The following GPHN variants were observed in gnomAD, a reference collection of about 807,000 sequenced individuals.
GPHN encodes the protein gephyrin.
GPHN carries 17 observed loss-of-function variants against 95.5 expected under a neutral mutation model. That is an observed-to-expected ratio of 0.18 (90% confidence interval 0.12 to 0.27). The LOEUF is 0.27. Ranked by LOEUF, GPHN falls within the 10% of genes least tolerant of loss-of-function variation. The pLI, the probability that GPHN is intolerant of heterozygous loss-of-function variation, is 1.00. For missense variants in GPHN, 660 were observed against 978.1 expected, an observed-to-expected ratio of 0.67 and a Z score of 4.34; for synonymous variants, 320 against 322.5, an observed-to-expected ratio of 0.99 and a Z score of 0.08.
chr14:66,995,216 C>T (rs1377864110), intron 9 of GPHN, among the ~76,000 whole-genome samples: 1 of 152,044 alleles, frequency 6.6e-6, no homozygotes, highest in Non-Finnish European at 1.5e-5. Context: ...AGTGTGACAA[C>T]GTAGAAAATA....
chr14:67,165,807 G>A (rs952429968), intron 20 of GPHN, among the ~76,000 whole-genome samples: 1 of 152,176 alleles, frequency 6.6e-6, no homozygotes, highest in Non-Finnish European at 1.5e-5. Flanking sequence ...TTGTCCCAAC[G>A]TGAGCAGAAA....
At chr14:66,894,711 A>G (rs569846406) in intron 5 of GPHN, among the ~76,000 whole-genome samples, 2 of 152,328 alleles carry the variant, frequency 1.3e-5, no homozygotes, top group African/African-American at 4.8e-5. Context: ...ATGAACAGAC[A>G]CTTCTCAAAA....
chr14:67,635,866 TA>T, the GPHN span, among the ~76,000 whole-genome samples: 4 of 152,150 alleles, frequency 2.6e-5, no homozygotes, highest in Admixed American at 1.3e-4. Flanking sequence ...AAATTTTTTT[TA>T]AATTTTAAAT....
At chr14:67,606,785 T>C in the GPHN span, among the ~76,000 whole-genome samples, 2 of 152,194 alleles carry the variant, frequency 1.3e-5, no homozygotes, top group Non-Finnish European at 2.9e-5. Context: ...TAGCTGGGAC[T>C]ACAGGCACGT....
chr14:67,415,814 C>T, the GPHN span, among the ~76,000 whole-genome samples: 3 of 152,306 alleles, frequency 2.0e-5, no homozygotes, highest in East Asian at 5.8e-4. Flanking sequence ...GGAATAAGAT[C>T]ATGTCCGTTG....
At chr14:67,281,414 G>A in the GPHN span, among the ~76,000 whole-genome samples, 1 of 152,078 alleles carries the variant, frequency 6.6e-6, no homozygotes, top group South Asian at 2.1e-4. Flanking sequence ...TTATGTGAAA[G>A]AATTTTATGC....
chr14:67,159,053 G>A (rs2081801321), intron 18 of GPHN, among the ~76,000 whole-genome samples: 1 of 152,174 alleles, frequency 6.6e-6, no homozygotes. Context: ...TCTTAGAAGA[G>A]AAACAATAAC....
chr14:67,279,868 A>G, the GPHN span: 3 of 254,144 alleles, frequency 1.2e-5, no homozygotes, highest in African/African-American at 6.6e-5. Context: ...AAGAATTTTC[A>G]GATTTTGAAT....
At chr14:67,376,621 C>G in the GPHN span, 5 of 1,600,610 alleles carry the variant, frequency 3.1e-6, no homozygotes, top group Non-Finnish European at 4.3e-6. Context: ...CTCCTTCTAC[C>G]TTGATATCAC....
At chr14:67,245,695 G>A in the GPHN span, among the ~76,000 whole-genome samples, 1 of 151,828 alleles carries the variant, frequency 6.6e-6, no homozygotes, top group African/African-American at 2.4e-5. Flanking sequence ...GATTTACGAA[G>A]GTTTTCTTCC....
At chr14:67,538,894 G>T in the GPHN span, among the ~76,000 whole-genome samples, 1 of 152,178 alleles carries the variant, frequency 6.6e-6, no homozygotes, top group Non-Finnish European at 1.5e-5. Flanking sequence ...GGGCTAGGCA[G>T]ACACCAGTGA....
intron 3 of GPHN, among the ~76,000 whole-genome samples, chr14:66,821,846 A>G (rs1204684186): frequency 1.3e-5 from 2 of 152,242 alleles, no homozygotes; most frequent in Admixed American, 6.5e-5. Context: ...TGCTCTCAAG[A>G]TAACAAATGT....
chr14:67,424,329 T>C, the GPHN span, among the ~76,000 whole-genome samples: 1 of 150,940 alleles, frequency 6.6e-6, no homozygotes, highest in African/African-American at 2.4e-5. Flanking sequence ...TAAGAAAGAA[T>C]GAAGTGTGCC....
At chr14:67,647,669 C>G in the GPHN span, 1 of 163,756 alleles carries the variant, frequency 6.1e-6, no homozygotes, top group East Asian at 1.8e-4. Flanking sequence ...TTAAATTAGA[C>G]TAATTTAAAT....
chr14:67,407,575 G>C, the GPHN span, among the ~76,000 whole-genome samples: 1 of 151,772 alleles, frequency 6.6e-6, no homozygotes, highest in Non-Finnish European at 1.5e-5. Context: ...CAAGCAGCTG[G>C]GACTACAAGC....
rs1031254887 is a variant in GPHN, at chr14:66,557,200, C to T, written c.64+48609C>T. 1.3e-5 allele frequency among the ~76,000 whole-genome samples: 2 copies of T among 150,944 alleles called. 1 individual carries two copies. Among genetic ancestry groups the T allele is most frequent in the South Asian group, 4.2e-4 (2 of 4,766 alleles). ...CCAGCCTGGGCAACAAAGCATGACC[C>T]TGTCTGAAATAGATAGATAGATAGA... On this transcript the variant is annotated intron_variant, in intron 1 of 22. Transcript: ENST00000478722.
the GPHN span, among the ~76,000 whole-genome samples, chr14:67,479,570 T>A: frequency 7.3e-5 from 11 of 151,540 alleles, no homozygotes; most frequent in African/African-American, 2.4e-4. Flanking sequence ...ATACAAAAAT[T>A]AGCCGGGCAT....
At chr14:66,760,992 G>A (rs1370005304) in intron 2 of GPHN, 6 of 603,936 alleles carry the variant, frequency 9.9e-6, no homozygotes, top group African/African-American at 9.2e-5. Context: ...GTTACCAGAG[G>A]ATGTGGATAT....
chr14:67,679,419 T>C, the GPHN span, among the ~76,000 whole-genome samples: 1 of 151,846 alleles, frequency 6.6e-6, no homozygotes, highest in South Asian at 2.1e-4. Flanking sequence ...TTTTTTTTTT[T>C]TGGAGGCGGA....
Sources: allele counts gnomAD v4.1 joint callset (sites outside exome capture counted in the v4.1 genomes callset), GRCh38; gene constraint gnomAD v4.1.1; transcripts MANE v1.5; gene names NCBI Gene and HGNC (gene_info 2026-07-23, HGNC 2026-07-21).